SYCE2: variants seen among roughly 807,000 people sequenced by gnomAD.
The protein encoded by SYCE2 is synaptonemal complex central element protein 2.
SYCE2 carries 3 observed loss-of-function variants against 27.9 expected under a neutral mutation model. That is an observed-to-expected ratio of 0.11 (90% CI 0.05 to 0.28). The LOEUF (loss-of-function observed/expected upper bound fraction) is 0.28, where lower values mean the gene tolerates loss of function less well. Ranked by LOEUF, SYCE2 falls within the 10% of genes least tolerant of loss-of-function variation. SYCE2 has a pLI of 1.00. For synonymous variants in SYCE2, 85 were observed against 100.7 expected (o/e 0.84, Z 0.93); for missense variants, 207 against 263.5 (o/e 0.79, Z 1.48).
At chr19:12,899,501 G>T (rs1443971371) in intron 5 of SYCE2, 116 bp from the exon 6 acceptor site, 1 of 1,614,188 alleles carries the variant, frequency 6.2e-7, no homozygotes, top group Admixed American at 1.7e-5. Flanking sequence ...ATCCTTGGGA[G>T]AGCTATCACG....
At chr19:12,905,945 G>A (rs551848812) in intron 2 of SYCE2, among the ~76,000 whole-genome samples, 1 of 151,026 alleles carries the variant, frequency 6.6e-6, no homozygotes, top group East Asian at 2.0e-4. Context: ...TGCAACCTCT[G>A]TCTCCTAGGT....
Position 12,899,117 on chromosome 19 carries a change from G to A in SYCE2, c.*224C>T. The A allele has an allele frequency of 1.7e-6, 1 of 584,984 alleles. No homozygotes were observed. Among genetic ancestry groups the A allele is most frequent in the Non-Finnish European group, 3.0e-6 (1 of 328,478 alleles). The allele number at this position is 584,984 out of a possible 1,614,324, so 36.2% of individuals were successfully genotyped here. ...CATTTAATAAACTGTGGGGCTGGGG[G>A]TGGGGAGAACTTGCCAAGGGTGGGG... On this transcript the variant is annotated 3_prime_UTR_variant, in exon 6 of 6. Coordinates refer to ENST00000293695, the MANE Select transcript of SYCE2 (RefSeq NM_001105578.2).
At chr19:12,899,884 C>T (rs1490109497) in intron 5 of SYCE2, 120 bp downstream of exon 5, 3 of 1,584,914 alleles carry the variant, frequency 1.9e-6, no homozygotes, top group Non-Finnish European at 2.6e-6. Context: ...ACAGTGCGCC[C>T]TCCCTCCCTC....
At chr19:12,903,664 C>T (rs1970884699) in intron 3 of SYCE2, among the ~76,000 whole-genome samples, 1 of 152,112 alleles carries the variant, frequency 6.6e-6, no homozygotes, top group Non-Finnish European at 1.5e-5. Flanking sequence ...GGATTATAGG[C>T]GTGAGCCACC....
At chr19:12,915,510 G>A (rs781303472) in intron 2 of SYCE2, among the ~76,000 whole-genome samples, 2 of 150,550 alleles carry the variant, frequency 1.3e-5, no homozygotes, top group African/African-American at 4.9e-5. Flanking sequence ...GCTAAGGCAG[G>A]AGAATTGCTT....
chr19:12,904,813 C>G, intron 2 of SYCE2, 147 bp from the exon 3 acceptor site: 1 of 857,396 alleles, frequency 1.2e-6, no homozygotes. Context: ...AGCCTGGCAA[C>G]ATGGTGAAAC....
chr19:12,900,605 A>G lies in SYCE2; in HGVS notation c.350T>C (p.Ile117Thr). Reference sequence around the variant, plus strand: ...GATGATCTTGTTGTGGTCATTATAAATCTGATAGATCCTCTCCTCTAATTT... The same window carrying G: ...GATGATCTTGTTGTGGTCATTATAAGTCTGATAGATCCTCTCCTCTAATTT... ...TEKLEERIYQ[I>T]YNDHNKIIQE... The change falls in exon 4 of 6, where the codon ATT becomes ACT. Residue 117 changes from isoleucine to threonine, a missense_variant. Physicochemically the swap from Ile to Thr is moderately conservative, Grantham distance 89. Transcript: ENST00000293695. 6.2e-7 allele frequency: 1 copy of G among 1,614,084 alleles called. No homozygotes were observed. Among genetic ancestry groups the G allele is most frequent in the Non-Finnish European group, 8.5e-7 (1 of 1,180,032 alleles).
At chr19:12,910,941 T>G (rs1971035730) in intron 2 of SYCE2, among the ~76,000 whole-genome samples, 1 of 152,054 alleles carries the variant, frequency 6.6e-6, no homozygotes, top group African/African-American at 2.4e-5. Flanking sequence ...CCTCCCAAAG[T>G]GCTGGGATTA....
At chr19:12,912,990 T>A (rs193260993) in intron 2 of SYCE2, among the ~76,000 whole-genome samples, 5 of 152,310 alleles carry the variant, frequency 3.3e-5, no homozygotes, top group Non-Finnish European at 7.3e-5. Context: ...ATTCACCAAT[T>A]AACTTTAACA....
At chr19:12,918,988 G>T (rs578114027) in intron 1 of SYCE2, among the ~76,000 whole-genome samples, 6 of 151,332 alleles carry the variant, frequency 4.0e-5, no homozygotes, top group African/African-American at 1.5e-4. Flanking sequence ...AAACGGGTGC[G>T]GTGCGTGGGT....
intron 5 of SYCE2, 50 bp downstream of exon 5, chr19:12,899,954 A>G (rs1261455292): frequency 6.2e-7 from 1 of 1,611,446 alleles, no homozygotes; most frequent in Non-Finnish European, 8.5e-7. Flanking sequence ...AGGAAAATAA[A>G]GACCTGCACA....
intron 4 of SYCE2, 75 bp downstream of exon 4, chr19:12,900,385 G>A: frequency 1.3e-6 from 2 of 1,510,206 alleles, no homozygotes; most frequent in South Asian, 1.3e-5. Flanking sequence ...CCTGGTTTCT[G>A]TTCACATTTA....
chr19:12,903,544 GC>G, intron 3 of SYCE2, among the ~76,000 whole-genome samples: 1 of 151,170 alleles, frequency 6.6e-6, no homozygotes, highest in Non-Finnish European at 1.5e-5. Flanking sequence ...GCACCACCAT[GC>G]CCAGCTAATT....
chr19:12,908,587 G>A (rs914632703), intron 2 of SYCE2, among the ~76,000 whole-genome samples: 2 of 151,952 alleles, frequency 1.3e-5, no homozygotes, highest in African/African-American at 2.4e-5. Flanking sequence ...GCCTCTCAAA[G>A]TGCTGGGATT....
intron 2 of SYCE2, among the ~76,000 whole-genome samples, chr19:12,906,618 C>T (rs1025497579): frequency 1.3e-5 from 2 of 152,078 alleles, no homozygotes; most frequent in Non-Finnish European, 2.9e-5. Context: ...GCTTTAAAAA[C>T]AGAACTGGGG....
chr19:12,899,707 G>A (rs369596800), intron 5 of SYCE2: 13 of 1,612,224 alleles, frequency 8.1e-6, no homozygotes, highest in Admixed American at 1.7e-5. Context: ...AAGTCGTTCA[G>A]ATGTGTTCCT....
chr19:12,918,163 G>A (rs1989499183), intron 2 of SYCE2, 59 bp downstream of exon 2: 2 of 1,405,300 alleles, frequency 1.4e-6, no homozygotes, highest in East Asian at 2.3e-5. Flanking sequence ...TGGAAGAAAA[G>A]GGTGAATGAG....
intron 2 of SYCE2, among the ~76,000 whole-genome samples, chr19:12,917,676 T>TTTTTTTTTTTTGG (rs1971161330): frequency 6.8e-6 from 1 of 146,696 alleles, no homozygotes; most frequent in Non-Finnish European, 1.5e-5. Flanking sequence ...TTTTTTTTTT[T>TTTTTTTTTTTTGG]GAGACAGCGT....
intron 3 of SYCE2, among the ~76,000 whole-genome samples, chr19:12,902,105 A>T (rs1970851755): frequency 6.6e-6 from 1 of 152,204 alleles, no homozygotes; most frequent in South Asian, 2.1e-4. Flanking sequence ...TGCCTACAGT[A>T]TTCAGTATGG....
Sources: gnomAD v4.1 joint callset for allele counts (sites outside exome capture counted in the v4.1 genomes callset) on GRCh38, gnomAD v4.1.1 for gene constraint, MANE v1.5 for transcripts, NCBI Gene and HGNC (gene_info 2026-07-23, HGNC 2026-07-21) for gene names.